The following ADAMTSL1 variants were observed in gnomAD, a reference collection of about 807,000 sequenced individuals.
ADAMTSL1 encodes ADAMTS-like protein 1.
Under a neutral mutation model 201.8 loss-of-function variants are expected in ADAMTSL1, and 126 were observed. The observed-to-expected ratio is 0.62, with a 90% CI of 0.54 to 0.72. The LOEUF (loss-of-function observed/expected upper bound fraction) is 0.72. Among genes scored for constraint, ADAMTSL1 ranks in the 30% least tolerant of loss-of-function variants. ADAMTSL1 has a pLI of 0.00. For missense variants in ADAMTSL1, 2,679 were observed against 2,277.8 expected (o/e 1.18, Z -3.59); for synonymous variants, 1,121 against 903.4 (o/e 1.24, Z -4.32).
In ADAMTSL1 at chr9:18,484,407, G is replaced by C. The variant is rs890710745; in HGVS notation, c.63+10112G>C. 4.6e-5 allele frequency among the ~76,000 whole-genome samples: 7 copies of C among 152,272 alleles called. No individual in the cohort carries two copies. The Middle Eastern group carries it at 0.01, about 222-fold the overall frequency. On this transcript the variant is annotated intron_variant, in intron 1 of 28. Coordinates refer to ENST00000380548, the MANE Select transcript of ADAMTSL1 (RefSeq NM_001040272.6). ...TAGTGATTCAAGAAAGAATGTGTTAGAAAAACTCTAAATCTCTAAAGATTT... is the reference window on the plus strand; with the variant it reads ...TAGTGATTCAAGAAAGAATGTGTTACAAAAACTCTAAATCTCTAAAGATTT...
chr9:18,061,614 GA>G (rs1451516934), intron 1 of ADAMTSL1, among the ~76,000 whole-genome samples: 5 of 152,178 alleles, frequency 3.3e-5, no homozygotes, highest in African/African-American at 1.2e-4. Flanking sequence ...CCTGAACAAA[GA>G]GCAAGTTAGA....
At position 18,876,940 on chromosome 9, in the gene ADAMTSL1, C is replaced by T. The variant is rs1320297855; in HGVS notation, c.4250-10891C>T. 8.5e-5 allele frequency among the ~76,000 whole-genome samples: 13 copies of T among 152,130 alleles called. 1 individual carries two copies. The highest frequency in any genetic ancestry group is 8.5e-4 in the Admixed American group (13 of 15,272). Reference sequence around the variant, plus strand: ...TGCCAAACTTCTTGAAGGCTTTGTTCATTTGTTTTAATCTTTTTTTTCTTT... The same window carrying T: ...TGCCAAACTTCTTGAAGGCTTTGTTTATTTGTTTTAATCTTTTTTTTCTTT... On this transcript the variant is annotated intron_variant, in intron 23 of 28. Transcript: ENST00000380548.
chr9:18,285,057 C>T (rs905175537), intron 2 of ADAMTSL1, among the ~76,000 whole-genome samples: 1 of 151,920 alleles, frequency 6.6e-6, no homozygotes, highest in African/African-American at 2.4e-5. Flanking sequence ...AGGGTAAATC[C>T]CTACAATGAA....
intron 1 of ADAMTSL1, among the ~76,000 whole-genome samples, chr9:17,981,979 T>G (rs1818724727): frequency 6.6e-6 from 1 of 152,212 alleles, no homozygotes; most frequent in African/African-American, 2.4e-5. Context: ...TGTGAGGTAT[T>G]GATAAATGCC....
chr9:18,408,276 C>T (rs1202224149), intron 2 of ADAMTSL1, among the ~76,000 whole-genome samples: 1 of 152,146 alleles, frequency 6.6e-6, no homozygotes, highest in East Asian at 1.9e-4. Flanking sequence ...TGAGACCAAC[C>T]TGGCCAACAT....
At chr9:18,435,272 T>G (rs1819676185) in intron 2 of ADAMTSL1, among the ~76,000 whole-genome samples, 1 of 152,250 alleles carries the variant, frequency 6.6e-6, no homozygotes, top group African/African-American at 2.4e-5. Flanking sequence ...ATAGAATTTA[T>G]ATCTTTAGTC....
At chr9:18,516,490 A>T (rs1026135782) in intron 2 of ADAMTSL1, among the ~76,000 whole-genome samples, 30 of 152,366 alleles carry the variant, frequency 2.0e-4, no homozygotes, top group Middle Eastern at 3.4e-3. Context: ...CCTGGTCCAG[A>T]TAAAGACCCT....
At chr9:18,238,156 A>G (rs945349864) in intron 2 of ADAMTSL1, among the ~76,000 whole-genome samples, 2 of 152,174 alleles carry the variant, frequency 1.3e-5, no homozygotes, top group Admixed American at 6.5e-5. Context: ...AGTAACTGCC[A>G]TTGTGTTTTT....
chr9:18,414,271 C>A (rs897934598), intron 2 of ADAMTSL1, among the ~76,000 whole-genome samples: 5 of 152,132 alleles, frequency 3.3e-5, no homozygotes, highest in African/African-American at 1.2e-4. Context: ...ACATCTGGAA[C>A]GTATTCTCCC....
intron 7 of ADAMTSL1, among the ~76,000 whole-genome samples, chr9:18,650,744 T>A (rs1034497780): frequency 6.6e-6 from 1 of 152,204 alleles, no homozygotes; most frequent in African/African-American, 2.4e-5. Flanking sequence ...GCAGCGTTTC[T>A]TCTAAAAATT....
At chr9:18,893,852 T>C (rs373687341) in intron 26 of ADAMTSL1, among the ~76,000 whole-genome samples, 4 of 152,368 alleles carry the variant, frequency 2.6e-5, no homozygotes, top group Admixed American at 1.3e-4. Flanking sequence ...ATGAAAACCA[T>C]GCTGATTTTA....
At chr9:17,924,216 G>A (rs1309631741) in intron 1 of ADAMTSL1, among the ~76,000 whole-genome samples, 2 of 151,922 alleles carry the variant, frequency 1.3e-5, no homozygotes, top group African/African-American at 4.8e-5. Flanking sequence ...GTTCCTCCTT[G>A]TACCTCTGGT....
intron 7 of ADAMTSL1, among the ~76,000 whole-genome samples, chr9:18,642,636 T>A (rs1313432335): frequency 6.6e-6 from 1 of 151,864 alleles, no homozygotes; most frequent in Non-Finnish European, 1.5e-5. Context: ...TTCTATTAGG[T>A]CAATTGTTTT....
At chr9:17,979,825 G>A (rs1251620081) in intron 1 of ADAMTSL1, among the ~76,000 whole-genome samples, 1 of 152,144 alleles carries the variant, frequency 6.6e-6, no homozygotes, top group Non-Finnish European at 1.5e-5. Context: ...GGTTCAGTCA[G>A]CTGGTGGGGT....
At chr9:18,834,209 C>T (rs1452297568) in intron 23 of ADAMTSL1, among the ~76,000 whole-genome samples, 4 of 151,930 alleles carry the variant, frequency 2.6e-5, no homozygotes, top group Non-Finnish European at 5.9e-5. Context: ...AATAGTTTTT[C>T]CTAGTTCTGT....
intron 23 of ADAMTSL1, among the ~76,000 whole-genome samples, chr9:18,853,916 T>TGTGTGTGTGTGCGC (rs1554648765): frequency 1.6e-5 from 2 of 122,750 alleles, no homozygotes; most frequent in East Asian, 2.9e-4. Context: ...TGTGTGTGTG[T>TGTGTGTGTGTGCGC]GTGCGCGTGC....
chr9:18,118,890 A>G (rs181902130), intron 1 of ADAMTSL1, among the ~76,000 whole-genome samples: 78 of 152,344 alleles, frequency 5.1e-4, no homozygotes, highest in Non-Finnish European at 8.2e-4. Flanking sequence ...ACCGCAAAGC[A>G]TGTGATTTCC....
At chr9:18,388,052 T>C (rs541481966) in intron 2 of ADAMTSL1, among the ~76,000 whole-genome samples, 1 of 152,168 alleles carries the variant, frequency 6.6e-6, no homozygotes, top group South Asian at 2.1e-4. Flanking sequence ...TGCTTCTTTG[T>C]TTGATATTTA....
At chr9:18,814,066 T>C (rs560916976) in intron 20 of ADAMTSL1, among the ~76,000 whole-genome samples, 2 of 152,348 alleles carry the variant, frequency 1.3e-5, no homozygotes, top group East Asian at 1.9e-4. Flanking sequence ...GTCTTTCTTA[T>C]AATAGCCATT....
Sources: allele counts gnomAD v4.1 joint callset (sites outside exome capture counted in the v4.1 genomes callset), GRCh38; gene constraint gnomAD v4.1.1; transcripts MANE v1.5; gene names NCBI Gene and HGNC (gene_info 2026-07-23, HGNC 2026-07-21).